Variants in FAM241A observed in about 807,000 individuals in gnomAD.
FAM241A encodes family with sequence similarity 241 member A, also known as uncharacterized protein FAM241A.
A neutral mutation model predicts 12.2 loss-of-function variants in FAM241A; 7 were observed. That is an observed-to-expected ratio of 0.58 (90% CI 0.33 to 1.08). The LOEUF (loss-of-function observed/expected upper bound fraction) is 1.08, where lower values mean the gene tolerates loss of function less well. Ranked by LOEUF, FAM241A falls within the 50% of genes least tolerant of loss-of-function variation. The pLI is 0.04. For missense variants in FAM241A, 161 were observed against 169.7 expected, an observed-to-expected ratio of 0.95 and a Z score of 0.29; for synonymous variants, 74 against 68.2, an observed-to-expected ratio of 1.08 and a Z score of -0.42.
intron 1 of FAM241A, among the ~76,000 whole-genome samples, chr4:112,150,957 C>T (rs542824704): frequency 1.2e-4 from 19 of 152,212 alleles, no homozygotes; most frequent in Non-Finnish European, 1.8e-4. Flanking sequence ...CTAACTGAAA[C>T]GAAATCTGAG....
rs570536357 is a variant in FAM241A at position 112,145,610 on chromosome 4, C to T, written c.30C>T (p.Gly10=). Residue 10 remains glycine (G), a synonymous_variant, in exon 1 of 2, where the codon GGC becomes GGT. Transcript: ENST00000309733. ...GCTCAGCCGGGGAGCTGCTGCGGGGCGGCGACGGCGGGGAACGCGACGAGG... is the reference window on the plus strand; with the variant it reads ...GCTCAGCCGGGGAGCTGCTGCGGGGTGGCGACGGCGGGGAACGCGACGAGG... MCSAGELLR[G]GDGGERDEDG... is the part of the protein sequence containing the mutation. The T allele has an allele frequency of 7.3e-6, 9 of 1,236,324 alleles. No homozygotes were observed. The East Asian group carries it at 2.5e-4, about 35-fold the overall frequency. 76.6% of individuals were successfully genotyped at this position (1,236,324 alleles called of 1,614,324 possible).
chr4:112,172,571 G>A (rs1723745979), intron 1 of FAM241A, among the ~76,000 whole-genome samples: 1 of 152,094 alleles, frequency 6.6e-6, no homozygotes, highest in Non-Finnish European at 1.5e-5. Flanking sequence ...TGACCAAATT[G>A]ACCTTTTTTG....
chr4:112,154,471 T>C (rs1304592917), intron 1 of FAM241A, among the ~76,000 whole-genome samples: 1 of 152,080 alleles, frequency 6.6e-6, no homozygotes, highest in Non-Finnish European at 1.5e-5. Context: ...TTTTGCCGTG[T>C]TGCCCAGGCT....
intron 1 of FAM241A, among the ~76,000 whole-genome samples, chr4:112,182,914 A>G (rs1442755388): frequency 6.6e-6 from 1 of 151,758 alleles, no homozygotes; most frequent in African/African-American, 2.4e-5. Context: ...ATTGACTATA[A>G]TCTCACTGAT....
At chr4:112,171,363 G>A in intron 1 of FAM241A, 1 of 759,714 alleles carries the variant, frequency 1.3e-6, no homozygotes, top group Non-Finnish European at 2.4e-6. Context: ...TGACTATGGG[G>A]GACAAGCTAA....
intron 1 of FAM241A, among the ~76,000 whole-genome samples, chr4:112,186,384 C>T (rs1393904307): frequency 2.0e-5 from 3 of 152,024 alleles, no homozygotes; most frequent in African/African-American, 4.8e-5. Flanking sequence ...TCAAAGGAAC[C>T]GTCTAAAAAG....
chr4:112,156,239 A>G (rs571780476), intron 1 of FAM241A, among the ~76,000 whole-genome samples: 2 of 152,154 alleles, frequency 1.3e-5, no homozygotes, highest in Non-Finnish European at 2.9e-5. Context: ...ATTCTATCTC[A>G]GGTCATTTGC....
intron 1 of FAM241A, among the ~76,000 whole-genome samples, chr4:112,180,726 A>G (rs1353202214): frequency 6.6e-6 from 1 of 152,150 alleles, no homozygotes; most frequent in Non-Finnish European, 1.5e-5. Context: ...CAGTACTGCT[A>G]GCTTTGAAGA....
chr4:112,152,236 A>G (rs190626507), intron 1 of FAM241A, among the ~76,000 whole-genome samples: 7 of 152,224 alleles, frequency 4.6e-5, no homozygotes, highest in Admixed American at 4.6e-4. Context: ...ATGTCTGGAC[A>G]TTTTTTTATT....
At chr4:112,179,261 T>A (rs1384009673) in intron 1 of FAM241A, among the ~76,000 whole-genome samples, 1 of 152,004 alleles carries the variant, frequency 6.6e-6, no homozygotes, top group East Asian at 1.9e-4. Context: ...TGGTTTTAGG[T>A]CCAATATTGC....
At chr4:112,178,687 A>G (rs145560113) in intron 1 of FAM241A, among the ~76,000 whole-genome samples, 94 of 152,252 alleles carry the variant, frequency 6.2e-4, no homozygotes, top group African/African-American at 2.1e-3. Context: ...GAAACTATCA[A>G]CAGAGTAAAC....
In FAM241A at chr4:112,187,634, AC is replaced by A. The variant is rs1287765645; in HGVS notation, c.*697del. On this transcript the variant is annotated 3_prime_UTR_variant, in exon 2 of 2. Transcript: ENST00000309733. Reference sequence around the variant, plus strand: ...TTTAATATATCATTTGAAGTTTCAGACAATTTTGGTGCTAATTACTTTTTGT... The same window carrying A: ...TTTAATATATCATTTGAAGTTTCAGAAATTTTGGTGCTAATTACTTTTTGT... 6.6e-6 allele frequency: 1 copy of A among 150,706 alleles called. No homozygotes were observed. The highest frequency in any genetic ancestry group is 2.4e-5 in the African/African-American group (1 of 41,410). 9.3% of individuals were successfully genotyped at this position (150,706 alleles called of 1,614,324 possible).
chr4:112,157,640 G>GA (rs1030083466), intron 1 of FAM241A, among the ~76,000 whole-genome samples: 3 of 151,394 alleles, frequency 2.0e-5, no homozygotes, highest in African/African-American at 2.4e-5. Context: ...TGATTTATAT[G>GA]AAAAAAAAGT....
At position 112,145,492 on chromosome 4, in the gene FAM241A, C is replaced by G; in HGVS notation, c.-89C>G. 1 of 1,163,404 alleles carries G rather than the reference C, an allele frequency of 8.6e-7. No homozygotes were observed. The highest frequency in any genetic ancestry group is 1.1e-6 in the Non-Finnish European group (1 of 935,726). 72.1% of individuals were successfully genotyped at this position (1,163,404 alleles called of 1,614,324 possible). On this transcript the variant is annotated 5_prime_UTR_variant, in exon 1 of 2. Coordinates refer to ENST00000309733, the MANE Select transcript of FAM241A (RefSeq NM_152400.3). ...CTGTCAGCGGCGGGTGCGGCGGATCCCAGGGCAGCCTTCGGGCGGCGGCGC... is the reference window on the plus strand; with the variant it reads ...CTGTCAGCGGCGGGTGCGGCGGATCGCAGGGCAGCCTTCGGGCGGCGGCGC...
In FAM241A at chr4:112,187,524, A is replaced by G. The variant is rs12511775; in HGVS notation, c.*586A>G. On this transcript the variant is annotated 3_prime_UTR_variant, in exon 2 of 2. Coordinates refer to ENST00000309733, the MANE Select transcript of FAM241A (RefSeq NM_152400.3). ...AAAGATAGAACGTTTTCTAAAGGTC[A>G]AAAATAATATATTTATTATTACTGG... is the stretch of plus-strand genomic sequence containing the variant. 86,411 of 152,408 alleles carry G rather than the reference A, an allele frequency of 0.57. 26,118 individuals are homozygous for G. The highest frequency in any genetic ancestry group is 0.83 in the East Asian group (4,272 of 5,176). The allele number at this position is 152,408 out of a possible 1,614,324, so 9.4% of individuals were successfully genotyped here.
intron 1 of FAM241A, among the ~76,000 whole-genome samples, chr4:112,170,364 T>C (rs1490813226): frequency 6.6e-6 from 1 of 152,212 alleles, no homozygotes; most frequent in African/African-American, 2.4e-5. Flanking sequence ...ATACCTATGA[T>C]AACATTTCAT....
chr4:112,186,794 G>T lies in FAM241A; in HGVS notation c.255G>T (p.Met85Ile). Residue 85 changes from methionine to isoleucine, a missense_variant, in exon 2 of 2, where the codon ATG (methionine) becomes ATT (isoleucine). Met to Ile is a conservative substitution (Grantham distance 10, BLOSUM62 1). Transcript: ENST00000309733. ...FGELNKNLIN[M>I]GFTRMYFGER... ...AACTGAACAAAAACCTTATCAACAT[G>T]GGCTTCACAAGGATGTATTTTGGAG... The T allele has an allele frequency of 6.2e-7, 1 of 1,613,866 alleles. No homozygotes were observed. The highest frequency in any genetic ancestry group is 8.5e-7 in the Non-Finnish European group (1 of 1,179,936).
intron 1 of FAM241A, among the ~76,000 whole-genome samples, chr4:112,153,175 A>C (rs1013736062): frequency 2.6e-5 from 4 of 152,282 alleles, no homozygotes; most frequent in Admixed American, 1.3e-4. Context: ...CTGTCAACCT[A>C]AATTATGTTG....
At chr4:112,169,826 C>T (rs1723680132) in intron 1 of FAM241A, among the ~76,000 whole-genome samples, 1 of 152,130 alleles carries the variant, frequency 6.6e-6, no homozygotes, top group Admixed American at 6.6e-5. Context: ...AATCCAGAGG[C>T]TTTTAAAATT....
Sources: allele counts gnomAD v4.1 joint callset (sites outside exome capture counted in the v4.1 genomes callset), GRCh38; gene constraint gnomAD v4.1.1; transcripts MANE v1.5; gene names NCBI Gene and HGNC (gene_info 2026-07-23, HGNC 2026-07-21).